Variants in SND1 observed in about 807,000 individuals in gnomAD.
The protein encoded by SND1 is staphylococcal nuclease and tudor domain containing 1.
Under a neutral mutation model 121.7 loss-of-function variants are expected in SND1, and 38 were observed. That is an observed-to-expected ratio of 0.31 (90% CI 0.24 to 0.41). SND1 has a LOEUF of 0.41. Among genes scored for constraint, SND1 ranks in the 10% least tolerant of loss-of-function variants. SND1 has a pLI of 1.00. For missense variants in SND1, 868 were observed against 1,184.6 expected, an observed-to-expected ratio of 0.73 and a Z score of 3.92; for synonymous variants, 401 against 447.4, an observed-to-expected ratio of 0.90 and a Z score of 1.31.
chr7:127,747,404 A>G (rs1288282991), intron 10 of SND1, among the ~76,000 whole-genome samples: 1 of 152,086 alleles, frequency 6.6e-6, no homozygotes, highest in Non-Finnish European at 1.5e-5. Context: ...CTTCTGCTTT[A>G]TATTGTTTTT....
At chr7:127,867,286 A>G (rs1799493990) in intron 12 of SND1, among the ~76,000 whole-genome samples, 1 of 152,012 alleles carries the variant, frequency 6.6e-6, no homozygotes. Flanking sequence ...GTTTTCTTCT[A>G]CCTTTTCAGT....
chr7:127,857,397 G>T (rs1458074485), intron 12 of SND1, among the ~76,000 whole-genome samples: 1 of 143,112 alleles, frequency 7.0e-6, no homozygotes. Flanking sequence ...CAGAGACGGG[G>T]TTTCACCATG....
intron 1 of SND1, among the ~76,000 whole-genome samples, chr7:127,665,280 G>A (rs954880292): frequency 1.2e-4 from 18 of 151,576 alleles, no homozygotes; most frequent in South Asian, 6.3e-4. Flanking sequence ...TCCGTCTCCC[G>A]GGTTCTCGCC....
chr7:128,045,684 A>C (rs1001435907), intron 16 of SND1, among the ~76,000 whole-genome samples: 2 of 152,192 alleles, frequency 1.3e-5, no homozygotes, highest in African/African-American at 4.8e-5. Flanking sequence ...TCAGTCCCTA[A>C]GTAGGACAGC....
chr7:128,067,555 G>C (rs564674454), intron 16 of SND1, among the ~76,000 whole-genome samples: 1 of 152,046 alleles, frequency 6.6e-6, no homozygotes, highest in African/African-American at 2.4e-5. Flanking sequence ...CCCTGTGCTG[G>C]GCTCTTTTCT....
chr7:127,916,259 G>A (rs1205256357), intron 14 of SND1, among the ~76,000 whole-genome samples: 1 of 152,078 alleles, frequency 6.6e-6, no homozygotes, highest in East Asian at 1.9e-4. Context: ...TTTGGTATAA[G>A]AACTGGTAGA....
chr7:127,983,695 T>C (rs1007672243), intron 15 of SND1, among the ~76,000 whole-genome samples: 3 of 152,070 alleles, frequency 2.0e-5, no homozygotes, highest in African/African-American at 7.2e-5. Context: ...TATTGAATAT[T>C]CAATATTCAA....
At chr7:127,924,420 TC>T (rs1388056231) in intron 14 of SND1, among the ~76,000 whole-genome samples, 1 of 152,208 alleles carries the variant, frequency 6.6e-6, no homozygotes, top group Non-Finnish European at 1.5e-5. Context: ...TTTAGTCTAT[TC>T]CCATTTTCCC....
intron 14 of SND1, among the ~76,000 whole-genome samples, chr7:127,925,299 C>G (rs1371237159): frequency 6.6e-6 from 1 of 152,186 alleles, no homozygotes; most frequent in Non-Finnish European, 1.5e-5. Flanking sequence ...CAGTTGCTTC[C>G]TGATTATTTA....
At chr7:127,973,618 T>C (rs1802050671) in intron 15 of SND1, among the ~76,000 whole-genome samples, 1 of 152,200 alleles carries the variant, frequency 6.6e-6, no homozygotes, top group African/African-American at 2.4e-5. Context: ...ATCTCTCCTC[T>C]TCCCAGCCAC....
chr7:127,748,068 G>A (rs544032891), intron 10 of SND1, among the ~76,000 whole-genome samples: 34 of 152,328 alleles, frequency 2.2e-4, no homozygotes, highest in African/African-American at 7.5e-4. Flanking sequence ...GGCCAAGTCA[G>A]TGTTCACCTT....
chr7:127,799,495 A>G (rs1442675099), intron 10 of SND1, among the ~76,000 whole-genome samples: 1 of 152,214 alleles, frequency 6.6e-6, no homozygotes, highest in Non-Finnish European at 1.5e-5. Flanking sequence ...GCAGGATCAA[A>G]TAGGGTTGTC....
rs747276886 is a variant in SND1, at chr7:128,029,136, T to G, written c.1779+38080T>G. 1 of 1,614,128 alleles carries G rather than the reference T, an allele frequency of 6.2e-7. No individual in the cohort carries two copies. The highest frequency in any genetic ancestry group is 1.1e-5 in the South Asian group (1 of 91,080). ...GTCTGTCGCGGGTACTGCCACCTGC[T>G]TGGGCACACGGGTAGTCTGAATGAG... On this transcript the variant is annotated intron_variant, in intron 16 of 23. Transcript: ENST00000354725. This position sits in a 1 kb window ranked among gnomAD's most constrained non-coding sequence, Gnocchi z 4.2.
chr7:127,787,876 G>T (rs952666876), intron 10 of SND1, among the ~76,000 whole-genome samples: 1 of 152,130 alleles, frequency 6.6e-6, no homozygotes, highest in Non-Finnish European at 1.5e-5. Flanking sequence ...GGAGGGGAGG[G>T]GAAGAAGTTG....
In SND1 at chr7:127,857,337, C is replaced by T. The variant is rs931016199; in HGVS notation, c.1343+12913C>T. On this transcript the variant is annotated intron_variant, in intron 12 of 23. Transcript: ENST00000354725. ...CCTCCCGAGCAGCTGGGACTACAGG[C>T]GCCCGCCACCGCCCCCGGCTAATTT... Among the ~76,000 whole-genome samples the T allele has an allele frequency of 3.5e-5, 5 of 143,578 alleles. No individual in the cohort carries two copies. In the South Asian group the frequency reaches 6.9e-4, roughly 20 times the overall value. 94.2% of individuals were successfully genotyped at this position (143,578 alleles called of 152,430 possible). A position where few individuals can be genotyped will look rare whatever the true frequency, so the allele number is the denominator to read the frequency against.
chr7:127,672,777 T>A (rs1028619971), intron 1 of SND1, among the ~76,000 whole-genome samples: 3 of 152,196 alleles, frequency 2.0e-5, no homozygotes, highest in African/African-American at 7.2e-5. Flanking sequence ...TTGATTTTCA[T>A]GATCCTGATG....
intron 16 of SND1, among the ~76,000 whole-genome samples, chr7:128,017,757 G>A (rs1034951434): frequency 6.6e-6 from 1 of 152,244 alleles, no homozygotes; most frequent in East Asian, 1.9e-4. Context: ...GAACTTCCAG[G>A]AGGGAAATGA....
intron 1 of SND1, among the ~76,000 whole-genome samples, chr7:127,674,893 T>C (rs573692299): frequency 2.1e-5 from 3 of 145,506 alleles, no homozygotes; most frequent in African/African-American, 7.4e-5. Flanking sequence ...GTGATGTATT[T>C]AGTGTTTAAA....
intron 16 of SND1, among the ~76,000 whole-genome samples, chr7:127,996,426 A>G (rs1191530563): frequency 6.6e-6 from 1 of 152,192 alleles, no homozygotes; most frequent in African/African-American, 2.4e-5. Flanking sequence ...TCCTTTCCCT[A>G]CATCACCCCA....
Sources: gnomAD v4.1 joint callset for allele counts (sites outside exome capture counted in the v4.1 genomes callset) on GRCh38, gnomAD v4.1.1 for gene constraint, Gnocchi (gnomAD v3.1) non-coding constraint, MANE v1.5 for transcripts, NCBI Gene and HGNC (gene_info 2026-07-23, HGNC 2026-07-21) for gene names.